CTNNA2: variants seen among roughly 807,000 people sequenced by gnomAD.
CTNNA2 encodes catenin alpha-2.
In CTNNA2, 42 loss-of-function variants were observed where a neutral mutation model predicts 101.0. The observed-to-expected ratio is 0.42, with a 90% CI of 0.32 to 0.54. CTNNA2 has a LOEUF of 0.54. Ranked by LOEUF, CTNNA2 falls within the 20% of genes least tolerant of loss-of-function variation. The pLI is 0.14. For missense variants in CTNNA2, 871 were observed against 1,223.1 expected, an observed-to-expected ratio of 0.71 and a Z score of 4.29; for synonymous variants, 450 against 456.4, an observed-to-expected ratio of 0.99 and a Z score of 0.18.
At position 80,648,168 on chromosome 2, in the gene CTNNA2, T is replaced by A. The variant is rs563736898; in HGVS notation, c.*296T>A. 1.4e-5 allele frequency: 3 copies of A among 215,062 alleles called. No homozygotes were observed. In the South Asian group the frequency reaches 4.8e-4, roughly 34 times the overall value. The allele number at this position is 215,062 out of a possible 1,614,324, so 13.3% of individuals were successfully genotyped here. A position where few individuals can be genotyped will look rare whatever the true frequency, so the allele number is the denominator to read the frequency against. On this transcript the variant is annotated 3_prime_UTR_variant, in exon 19 of 19. Transcript: ENST00000402739. ...GCAATATTTATGGGAGTGGGAGGGA[T>A]GGGGAAAATAAACTTAACTCTACAA...
intron 18 of CTNNA2, among the ~76,000 whole-genome samples, chr2:80,647,011 A>G (rs1242052845): frequency 1.3e-5 from 2 of 152,122 alleles, no homozygotes; most frequent in Admixed American, 1.3e-4. Flanking sequence ...CATGTATGAG[A>G]AGGTCTCACT....
At position 80,496,492 on chromosome 2, in the gene CTNNA2, G is replaced by T. The variant is rs1352521327; in HGVS notation, c.1291-48490G>T. ...AGGAACGTGACTTGGAATTAAATCT[G>T]AGTTTAAATCCAAGCTCTGCCACTA... On this transcript the variant is annotated intron_variant, in intron 9 of 18. Transcript: ENST00000402739. 2.7e-5 allele frequency among the ~76,000 whole-genome samples: 4 copies of T among 149,824 alleles called. No individual in the cohort carries two copies. The East Asian group carries it at 7.9e-4, about 30-fold the overall frequency.
At chr2:80,138,687 C>A (rs1702830368) in intron 7 of CTNNA2, among the ~76,000 whole-genome samples, 1 of 152,212 alleles carries the variant, frequency 6.6e-6, no homozygotes, top group South Asian at 2.1e-4. Context: ...ATCCTGGGAC[C>A]ATCTGCATGG....
rs967879492 is a variant in CTNNA2 at position 80,004,932 on chromosome 2, G to C, written c.1056+95135G>C. Among the ~76,000 whole-genome samples, 5 of 152,216 alleles carry C rather than the reference G, an allele frequency of 3.3e-5. No homozygotes were observed. The South Asian group carries it at 8.3e-4, about 25-fold the overall frequency. On this transcript the variant is annotated intron_variant, in intron 7 of 18. Coordinates refer to ENST00000402739, the MANE Select transcript of CTNNA2 (RefSeq NM_001282597.3). ...TGGCCAGGCTGGTCTTGAGCTCCTTGTAATCTGCTGGCCCCGGCCTCCCAA... is the reference window on the plus strand; with the variant it reads ...TGGCCAGGCTGGTCTTGAGCTCCTTCTAATCTGCTGGCCCCGGCCTCCCAA...
intron 7 of CTNNA2, among the ~76,000 whole-genome samples, chr2:80,370,244 TATTTG>T (rs922017715): frequency 6.8e-6 from 1 of 146,806 alleles, no homozygotes; most frequent in Non-Finnish European, 1.5e-5. Flanking sequence ...TATATGAACA[TATTTG>T]AGTGGTGTGT....
At chr2:79,943,205 G>A (rs1383700035) in intron 7 of CTNNA2, among the ~76,000 whole-genome samples, 8 of 152,022 alleles carry the variant, frequency 5.3e-5, no homozygotes, top group Non-Finnish European at 8.8e-5. Flanking sequence ...CAACAAAAGC[G>A]AGCGGGGGTG....
chr2:79,282,318 A>T (rs1675411884), intron 2 of CTNNA2, among the ~76,000 whole-genome samples: 1 of 152,122 alleles, frequency 6.6e-6, no homozygotes, highest in Non-Finnish European at 1.5e-5. Flanking sequence ...CAGGTTAGTT[A>T]CATATGTATA....
chr2:80,043,021 TTCTTTCTTTCTTTCTTTCC>T (rs1696180914), intron 7 of CTNNA2, among the ~76,000 whole-genome samples: 1 of 49,502 alleles, frequency 2.0e-5, no homozygotes, highest in African/African-American at 7.2e-5. Flanking sequence ...TTCTTTCCCT[TTCTTTCTTTCTTTCTTTCC>T]TTCTTTCTTT....
At chr2:79,346,439 C>A (rs1677266899) in intron 3 of CTNNA2, among the ~76,000 whole-genome samples, 2 of 152,136 alleles carry the variant, frequency 1.3e-5, no homozygotes, top group Non-Finnish European at 2.9e-5. Flanking sequence ...CATTCTTATC[C>A]TAGACACTCA....
At chr2:79,797,798 A>T (rs902372260) in intron 3 of CTNNA2, among the ~76,000 whole-genome samples, 1 of 152,062 alleles carries the variant, frequency 6.6e-6, no homozygotes, top group Admixed American at 6.6e-5. Context: ...AATATGTTCC[A>T]GTTTCCTTAT....
chr2:79,903,412 G>A (rs891894710), intron 6 of CTNNA2, among the ~76,000 whole-genome samples: 3 of 152,004 alleles, frequency 2.0e-5, no homozygotes, highest in Non-Finnish European at 2.9e-5. Flanking sequence ...ACAGGATTAT[G>A]TCACTCCTTT....
At chr2:79,242,997 C>CACACACACACACAT (rs1553385589) in intron 2 of CTNNA2, among the ~76,000 whole-genome samples, 5 of 96,016 alleles carry the variant, frequency 5.2e-5, no homozygotes, top group East Asian at 3.6e-4. Context: ...TATATATACA[C>CACACACACACACAT]ACACACACAC....
intron 1 of CTNNA2, among the ~76,000 whole-genome samples, chr2:79,623,918 G>A (rs1177963130): frequency 2.6e-5 from 4 of 152,108 alleles, no homozygotes; most frequent in South Asian, 2.1e-4. Flanking sequence ...GACTCATACT[G>A]AGTAGTAGCT....
chr2:79,517,226 A>G (rs1671854870), intron 1 of CTNNA2, among the ~76,000 whole-genome samples: 2 of 152,202 alleles, frequency 1.3e-5, no homozygotes, highest in Admixed American at 1.3e-4. Context: ...ATCTTTATCC[A>G]ACAGCATAAG....
intron 4 of CTNNA2, among the ~76,000 whole-genome samples, chr2:79,495,919 A>T (rs1671251463): frequency 6.6e-6 from 1 of 152,116 alleles, no homozygotes; most frequent in Non-Finnish European, 1.5e-5. Context: ...TGGCAACTAT[A>T]TAGAGATAGA....
At chr2:79,999,730 A>G (rs1692804971) in intron 7 of CTNNA2, among the ~76,000 whole-genome samples, 1 of 152,174 alleles carries the variant, frequency 6.6e-6, no homozygotes, top group Admixed American at 6.6e-5. Context: ...TGCATCTCCT[A>G]TGAGCCCAGT....
chr2:79,526,799 C>T (rs774456148), intron 1 of CTNNA2, among the ~76,000 whole-genome samples: 6 of 152,128 alleles, frequency 3.9e-5, no homozygotes, highest in South Asian at 4.1e-4. Flanking sequence ...GAATTTGGAC[C>T]GCTTTCTCCT....
At chr2:79,921,361 G>A (rs1205571912) in intron 7 of CTNNA2, among the ~76,000 whole-genome samples, 5 of 152,102 alleles carry the variant, frequency 3.3e-5, no homozygotes, top group African/African-American at 7.2e-5. Context: ...AATATCTTTC[G>A]GGAAGCCTTT....
At chr2:80,325,801 A>G (rs1159016386) in intron 7 of CTNNA2, among the ~76,000 whole-genome samples, 1 of 152,168 alleles carries the variant, frequency 6.6e-6, no homozygotes, top group African/African-American at 2.4e-5. Context: ...TTGAGAGCTA[A>G]AAAGGACCTT....
Sources: allele counts gnomAD v4.1 joint callset (sites outside exome capture counted in the v4.1 genomes callset), GRCh38; gene constraint gnomAD v4.1.1; transcripts MANE v1.5; gene names NCBI Gene and HGNC (gene_info 2026-07-23, HGNC 2026-07-21).